Variants in INTS2 observed in about 807,000 individuals in gnomAD.
INTS2 encodes the protein integrator complex subunit 2.
Under a neutral mutation model 139.6 loss-of-function variants are expected in INTS2, and 57 were observed. That is an observed-to-expected ratio of 0.41 (90% CI 0.33 to 0.51). The LOEUF is 0.51. Among genes scored for constraint, INTS2 ranks in the 20% least tolerant of loss-of-function variants. The pLI, the probability that INTS2 is intolerant of heterozygous loss-of-function variation, is 0.28. For missense variants in INTS2, 1,196 were observed against 1,436.7 expected, an observed-to-expected ratio of 0.83 and a Z score of 2.71; for synonymous variants, 473 against 493.4, an observed-to-expected ratio of 0.96 and a Z score of 0.55.
At chr17:61,895,246 A>C in intron 12 of INTS2, 69 bp downstream of exon 12, 1 of 820,074 alleles carries the variant, frequency 1.2e-6, no homozygotes, top group South Asian at 1.7e-5. Context: ...AAGGTAAGAC[A>C]CACAAGTTTT....
intron 7 of INTS2, chr17:61,911,304 G>A (rs1444743284): frequency 4.4e-6 from 2 of 455,662 alleles, no homozygotes; most frequent in African/African-American, 4.0e-5. Context: ...ATATTTAAGT[G>A]TTAATTTCTA....
At chr17:61,912,351 C>T (rs569476365) in intron 5 of INTS2, among the ~76,000 whole-genome samples, 18 of 59,256 alleles carry the variant, frequency 3.0e-4, no homozygotes, top group Non-Finnish European at 5.3e-4. Flanking sequence ...AATCCCAGAA[C>T]TCTGGGAGGC....
In INTS2 at chr17:61,924,986, C is replaced by A; in HGVS notation, c.407G>T (p.Ser136Ile). The change falls in exon 3 of 25, where the codon AGT becomes ATT. Residue 136 changes from serine to isoleucine, a missense_variant. Physicochemically the swap from Ser to Ile is moderately radical, Grantham distance 142 (BLOSUM62 -2). This residue lies in a region of INTS2 where 1,129 missense variants were observed against 1,341.9 expected (regional missense o/e 0.84). Transcript: ENST00000251334. ...CTTGTTCATAATTGCCAACAGTTCA[C>A]TAAGCACAAGACGCAATCGACGAGG... ...DSPRRLRLVL[S>I]ELLAIMNKVS... 1.9e-6 allele frequency: 3 copies of A among 1,613,110 alleles called. No homozygotes were observed. Among genetic ancestry groups the A allele is most frequent in the Non-Finnish European group, 2.5e-6 (3 of 1,179,534 alleles).
Position 61,891,617 on chromosome 17 carries a change from A to G in INTS2, c.1771T>C (p.Tyr591His). Residue 591 changes from tyrosine to histidine, a missense_variant, in exon 14 of 25, where the codon TAC (tyrosine) becomes CAC (histidine). Transcript: ENST00000251334. Reference sequence around the variant, plus strand: ...GCAGGAGTAAGTATAGAATTTATGTACACATCAATCAAAGGAAGTAATTGA... The same window carrying G: ...GCAGGAGTAAGTATAGAATTTATGTGCACATCAATCAAAGGAAGTAATTGA... ...HPQLLPLIDV[Y>H]INSILTPASK... 1 of 1,612,446 alleles carries G rather than the reference A, an allele frequency of 6.2e-7. No homozygotes were observed. Among genetic ancestry groups the G allele is most frequent in the Non-Finnish European group, 8.5e-7 (1 of 1,178,514 alleles).
intron 15 of INTS2, among the ~76,000 whole-genome samples, chr17:61,885,975 G>A (rs1056439158): frequency 7.3e-5 from 11 of 151,600 alleles, no homozygotes; most frequent in Non-Finnish European, 1.5e-4. Flanking sequence ...TGATCCACCC[G>A]CCTTGGCCTC....
chr17:61,876,041 G>A lies in INTS2; in HGVS notation c.2457-1003C>T, dbSNP rs1013251227. On this transcript the variant is annotated intron_variant, in intron 18 of 24. Transcript: ENST00000251334. This position sits in a 1 kb window ranked among gnomAD's most constrained non-coding sequence, Gnocchi z 4.1. The stretch of plus-strand genomic sequence containing the variant: ...AAAAATTAGGCAGGCACGGGGGTAT[G>A]CACCTGTAGTCCAGCTATTTGGGAG... 2.6e-5 allele frequency among the ~76,000 whole-genome samples: 4 copies of A among 151,884 alleles called. No individual in the cohort carries two copies. Among genetic ancestry groups the A allele is most frequent in the African/African-American group, 9.7e-5 (4 of 41,332 alleles).
In INTS2 at chr17:61,912,033, A is replaced by C. The variant is rs1339135056; in HGVS notation, c.687T>G (p.Asp229Glu). 7.4e-6 allele frequency: 12 copies of C among 1,613,808 alleles called. No homozygotes were observed. Among genetic ancestry groups the C allele is most frequent in the Non-Finnish European group, 1.0e-5 (12 of 1,179,768 alleles). Residue 229 changes from aspartate (D) to glutamate (E), a missense_variant, in exon 6 of 25, where the codon GAT becomes GAG. Physicochemically the swap from Asp to Glu is conservative, Grantham distance 45. Transcript: ENST00000251334. ...TGCGCCTTCCTCCAAGACTTTCTTC[A>C]TCTTGTCGTTCTCCATTTTTTATCA... is the stretch of plus-strand genomic sequence containing the variant. Reference protein sequence around the residue: ...RGLIKNGERQDEESLGGRRRT... With the variant: ...RGLIKNGERQEEESLGGRRRT...
At position 61,909,767 on chromosome 17, in the gene INTS2, T is replaced by C. The variant is rs1023557637; in HGVS notation, c.954+1753A>G. On this transcript the variant is annotated intron_variant, in intron 7 of 24. Coordinates refer to ENST00000251334, the MANE Select transcript of INTS2 (RefSeq NM_001351695.2). This position sits in a 1 kb window ranked among gnomAD's most constrained non-coding sequence, Gnocchi z 4.9. ...TTTTTTATGGTTGAGTTGTATTCCA[T>C]GGTGTGTGTGTTTGTGTGTGTGTAT... Among the ~76,000 whole-genome samples the C allele has an allele frequency of 6.6e-6, 1 of 151,008 alleles. No homozygotes were observed. The highest frequency in any genetic ancestry group is 1.5e-5 in the Non-Finnish European group (1 of 67,856).
intron 17 of INTS2, 74 bp downstream of exon 17, chr17:61,880,933 T>C: frequency 2.6e-6 from 3 of 1,175,372 alleles, no homozygotes; most frequent in Non-Finnish European, 3.7e-6. Flanking sequence ...TCTGTATGAT[T>C]ATAAGATTTC....
intron 8 of INTS2, among the ~76,000 whole-genome samples, chr17:61,906,124 G>A (rs191532017): frequency 6.6e-6 from 1 of 152,288 alleles, no homozygotes; most frequent in East Asian, 1.9e-4. Flanking sequence ...AATACAGGTT[G>A]AGTAACCCCA....
chr17:61,911,707 G>C lies in INTS2; in HGVS notation c.781-14C>G. On this transcript the variant is annotated splice_polypyrimidine_tract_variant and intron_variant, in intron 6 of 24. Transcript: ENST00000251334. ...ACATTCTTCCACCTAGCACAGAAAA[G>C]AAAACAAACTGAATTCAGTATCATA... 1 of 1,604,126 alleles carries C rather than the reference G, an allele frequency of 6.2e-7. No homozygotes were observed.
chr17:61,915,816 T>TTA (rs1555625974), intron 5 of INTS2, among the ~76,000 whole-genome samples: 1 of 64,190 alleles, frequency 1.6e-5, no homozygotes, highest in Non-Finnish European at 2.9e-5. Context: ...AGACTCTGTC[T>TTA]AAAAAAAAAA....
chr17:61,909,818 T>TATAC lies in INTS2; in HGVS notation c.954+1701_954+1702insGTAT, dbSNP rs1332080624. ...ACATATATACGTGTGTGTGTACATG[T>TATAC]GTGTATGTGTGTGTGTGTGTGTGTG... On this transcript the variant is annotated intron_variant, in intron 7 of 24. Coordinates refer to ENST00000251334, the MANE Select transcript of INTS2 (RefSeq NM_001351695.2). The surrounding 1 kb of genome is among the most constrained non-coding windows in gnomAD (Gnocchi z 4.9). 0.034 allele frequency among the ~76,000 whole-genome samples: 2,502 copies of TATAC among 74,360 alleles called. 41 individuals are homozygous for TATAC. Among genetic ancestry groups the TATAC allele is most frequent in the Non-Finnish European group, 0.038 (1,496 of 39,412 alleles). The allele number at this position is 74,360 out of a possible 152,430, so 48.8% of individuals were successfully genotyped here.
intron 11 of INTS2, among the ~76,000 whole-genome samples, chr17:61,896,229 G>A (rs1404144171): frequency 3.5e-5 from 4 of 115,774 alleles, no homozygotes; most frequent in Non-Finnish European, 6.5e-5. Flanking sequence ...GACAGAGCAA[G>A]ACTCCATCTC....
intron 2 of INTS2, among the ~76,000 whole-genome samples, chr17:61,925,366 G>A (rs1298668157): frequency 1.3e-5 from 2 of 151,528 alleles, no homozygotes; most frequent in Non-Finnish European, 1.5e-5. Flanking sequence ...GGATCACAAG[G>A]TTGGGAGTTC....
At chr17:61,889,186 A>T (rs1258379913) in intron 15 of INTS2, among the ~76,000 whole-genome samples, 1 of 151,688 alleles carries the variant, frequency 6.6e-6, no homozygotes, top group African/African-American at 2.4e-5. Flanking sequence ...CTCTGGGTTC[A>T]AGGGATTCTC....
In INTS2 at chr17:61,869,351, C is replaced by A; in HGVS notation, c.3060G>T (p.Thr1020=). 6.2e-7 allele frequency: 1 copy of A among 1,605,554 alleles called. No individual in the cohort carries two copies. The highest frequency in any genetic ancestry group is 8.5e-7 in the Non-Finnish European group (1 of 1,175,574). Reference sequence around the variant, plus strand: ...TGTGCATAGATGGAATACCTGCGACCGTCAGAGGCAAAAGTTCACATGGAT... The same window carrying A: ...TGTGCATAGATGGAATACCTGCGACAGTCAGAGGCAAAAGTTCACATGGAT... ...QGYPCELLPL[T]VAGIPSMHIC... is the part of the protein sequence containing the mutation. Residue 1020 remains threonine, a synonymous_variant, in exon 22 of 25, where the codon ACG becomes ACT. Coordinates refer to ENST00000251334, the MANE Select transcript of INTS2 (RefSeq NM_001351695.2). This position sits in a 1 kb window ranked among gnomAD's most constrained non-coding sequence, Gnocchi z 5.4.
chr17:61,885,414 CTTTT>C (rs201806448), intron 15 of INTS2: 16 of 141,938 alleles, frequency 1.1e-4, no homozygotes, highest in South Asian at 4.5e-4. Flanking sequence ...GTAATTTTAT[CTTTT>C]TTTTTTTTTT....
chr17:61,887,541 G>A (rs528221680), intron 15 of INTS2, among the ~76,000 whole-genome samples: 12 of 150,452 alleles, frequency 8.0e-5, no homozygotes, highest in Admixed American at 2.6e-4. Flanking sequence ...AATTATTTCA[G>A]GTTCCTAGAT....
Sources: gnomAD v4.1 joint callset for allele counts (sites outside exome capture counted in the v4.1 genomes callset) on GRCh38, gnomAD v4.1.1 for gene constraint, gnomAD v4.1.1 regional missense constraint, Gnocchi (gnomAD v3.1) non-coding constraint, MANE v1.5 for transcripts, NCBI Gene and HGNC (gene_info 2026-07-23, HGNC 2026-07-21) for gene names.